CEP63: variants seen among roughly 807,000 people sequenced by gnomAD.
CEP63 encodes the protein centrosomal protein 63, also known as centrosomal protein of 63 kDa.
A neutral mutation model predicts 89.1 loss-of-function variants in CEP63; 84 were observed. The observed-to-expected ratio is 0.94, with a 90% CI of 0.79 to 1.13. The LOEUF (loss-of-function observed/expected upper bound fraction) is 1.13. Among genes scored for constraint, CEP63 ranks in the 50% most tolerant of loss-of-function variants. CEP63 has a pLI of 0.00. For missense variants in CEP63, 838 were observed against 813.3 expected, an observed-to-expected ratio of 1.03 and a Z score of -0.37; for synonymous variants, 267 against 272.5, an observed-to-expected ratio of 0.98 and a Z score of 0.20.
the CEP63 span, among the ~76,000 whole-genome samples, chr3:134,602,848 C>A: frequency 2.5e-4 from 38 of 152,370 alleles, no homozygotes; most frequent in African/African-American, 9.1e-4. Context: ...TGCACAGCCA[C>A]AGCGGGCATG....
At chr3:134,776,404 A>T in the CEP63 span, among the ~76,000 whole-genome samples, 1 of 151,824 alleles carries the variant, frequency 6.6e-6, no homozygotes, top group African/African-American at 2.4e-5. Context: ...AAGATACTTA[A>T]TTTTTTTTTC....
intron 6 of CEP63, among the ~76,000 whole-genome samples, chr3:134,541,420 G>A (rs1158632628): frequency 6.6e-6 from 1 of 150,738 alleles, no homozygotes; most frequent in African/African-American, 2.4e-5. Flanking sequence ...TTTTTAAATG[G>A]TTATATAATT....
At chr3:134,768,749 A>C in the CEP63 span, among the ~76,000 whole-genome samples, 2 of 152,194 alleles carry the variant, frequency 1.3e-5, no homozygotes, top group Non-Finnish European at 2.9e-5. Flanking sequence ...ATGAAACACT[A>C]ATCTAGACAC....
At chr3:134,510,155 T>C (rs970306857) in intron 3 of CEP63, among the ~76,000 whole-genome samples, 1 of 152,160 alleles carries the variant, frequency 6.6e-6, no homozygotes, top group Admixed American at 6.5e-5. Context: ...GGGAGGGAAA[T>C]TGAGCACAGG....
chr3:134,549,241 A>G (rs1954279618), intron 10 of CEP63, 65 bp downstream of exon 10: 2 of 976,962 alleles, frequency 2.0e-6, no homozygotes, highest in Admixed American at 3.6e-5. Context: ...GTGGATTGGG[A>G]GATTATAGGG....
the CEP63 span, among the ~76,000 whole-genome samples, chr3:134,609,868 CTG>C: frequency 1.3e-5 from 2 of 152,252 alleles, no homozygotes; most frequent in African/African-American, 4.8e-5. Flanking sequence ...GGAAGGGAAC[CTG>C]CCAACAACTA....
At chr3:134,742,615 A>G in the CEP63 span, among the ~76,000 whole-genome samples, 1 of 152,206 alleles carries the variant, frequency 6.6e-6, no homozygotes, top group African/African-American at 2.4e-5. Flanking sequence ...ATGGTTTAGT[A>G]CTTGTCCCCT....
intron 12 of CEP63, among the ~76,000 whole-genome samples, chr3:134,554,858 G>GT (rs1955802195): frequency 6.6e-6 from 1 of 151,932 alleles, no homozygotes; most frequent in Non-Finnish European, 1.5e-5. Flanking sequence ...TTTTTCATGT[G>GT]TTTTTTGGCT....
chr3:134,719,613 G>A, the CEP63 span, among the ~76,000 whole-genome samples: 1 of 152,048 alleles, frequency 6.6e-6, no homozygotes, highest in Non-Finnish European at 1.5e-5. Flanking sequence ...GTACCTAGTA[G>A]CAGTCAATTT....
the CEP63 span, among the ~76,000 whole-genome samples, chr3:134,693,642 A>G: frequency 6.6e-6 from 1 of 152,194 alleles, no homozygotes; most frequent in Non-Finnish European, 1.5e-5. Flanking sequence ...TGAGGCTCAG[A>G]TGTTCCCAGA....
the CEP63 span, among the ~76,000 whole-genome samples, chr3:134,753,712 C>G: frequency 6.6e-6 from 1 of 152,174 alleles, no homozygotes; most frequent in Non-Finnish European, 1.5e-5. Flanking sequence ...TCATAATGCG[C>G]CTTGGAGGTA....
At chr3:134,560,072 G>A (rs1304278274) in intron 14 of CEP63, among the ~76,000 whole-genome samples, 1 of 152,204 alleles carries the variant, frequency 6.6e-6, no homozygotes, top group Non-Finnish European at 1.5e-5. Flanking sequence ...CCAAGTCCAT[G>A]GAAAGGTTTT....
chr3:134,689,442 T>TTTATTATTATTATTATTATTATTA, the CEP63 span, among the ~76,000 whole-genome samples: 114 of 96,476 alleles, frequency 1.2e-3, no homozygotes, highest in Middle Eastern at 5.3e-3. Flanking sequence ...AAGGACCTTA[T>TTTATTATTATTATTATTATTATTA]TTATTATTAT....
At chr3:134,650,723 C>T in the CEP63 span, 1 of 1,147,076 alleles carries the variant, frequency 8.7e-7, no homozygotes, top group Non-Finnish European at 1.2e-6. Context: ...GGTTCGCTGA[C>T]CTCGTTCGGG....
the CEP63 span, among the ~76,000 whole-genome samples, chr3:134,686,530 G>A: frequency 1.3e-5 from 2 of 152,200 alleles, no homozygotes; most frequent in Admixed American, 1.3e-4. Context: ...GGAAGTGGGT[G>A]TTGCTCTGGG....
chr3:134,598,509 G>A, the CEP63 span, among the ~76,000 whole-genome samples: 1 of 152,190 alleles, frequency 6.6e-6, no homozygotes, highest in African/African-American at 2.4e-5. Flanking sequence ...AAGAATATAT[G>A]AATGGGAGGC....
chr3:134,610,308 C>T, the CEP63 span: 65 of 1,613,770 alleles, frequency 4.0e-5, no homozygotes, highest in African/African-American at 3.9e-4. Flanking sequence ...CAAACTCCCC[C>T]GAGAAGCTCT....
At chr3:134,695,738 T>C in the CEP63 span, among the ~76,000 whole-genome samples, 1 of 152,214 alleles carries the variant, frequency 6.6e-6, no homozygotes, top group Non-Finnish European at 1.5e-5. Context: ...TAGAGGGCAG[T>C]GGGCATGATG....
the CEP63 span, among the ~76,000 whole-genome samples, chr3:134,696,012 T>A: frequency 6.6e-6 from 1 of 152,198 alleles, no homozygotes; most frequent in African/African-American, 2.4e-5. Context: ...ACCACCCTGG[T>A]GTACTTCTCC....
Sources: allele counts gnomAD v4.1 joint callset (sites outside exome capture counted in the v4.1 genomes callset), GRCh38; gene constraint gnomAD v4.1.1; transcripts MANE v1.5; gene names NCBI Gene and HGNC (gene_info 2026-07-23, HGNC 2026-07-21).